SSC5D: variants seen among roughly 807,000 people sequenced by gnomAD.
SSC5D encodes scavenger receptor cysteine rich family member with 5 domains.
Under a neutral mutation model 104.6 loss-of-function variants are expected in SSC5D, and 106 were observed. The observed-to-expected ratio is 1.01, with a 90% CI of 0.87 to 1.19. SSC5D has a LOEUF of 1.19. Ranked by LOEUF, SSC5D falls within the 50% of genes most tolerant of loss-of-function variation. SSC5D has a pLI of 0.00. For missense variants in SSC5D, 1,993 were observed against 2,153.8 expected, an observed-to-expected ratio of 0.93 and a Z score of 1.48; for synonymous variants, 860 against 883.5, an observed-to-expected ratio of 0.97 and a Z score of 0.47.
rs1987104107 is a variant in SSC5D at position 55,490,360 on chromosome 19, G to A, written c.538G>A (p.Ala180Thr). Reference protein sequence around the residue: ...SRKKSPRPKQAKSTRAPLLTT... With the variant: ...SRKKSPRPKQTKSTRAPLLTT... ...GAAGAAGAGCCCCCGGCCCAAGCAGGCCAAGTCCACCCGGGCCCCTCTGCT... is the reference window on the plus strand; with the variant it reads ...GAAGAAGAGCCCCCGGCCCAAGCAGACCAAGTCCACCCGGGCCCCTCTGCT... Residue 180 changes from alanine (A) to threonine (T), a missense_variant, in exon 5 of 14, where the codon GCC becomes ACC. Transcript: ENST00000389623. The A allele has an allele frequency of 2.0e-6, 3 of 1,524,596 alleles. No individual in the cohort carries two copies. Among genetic ancestry groups the A allele is most frequent in the Non-Finnish European group, 2.7e-6 (3 of 1,128,678 alleles). 94.4% of individuals were successfully genotyped at this position (1,524,596 alleles called of 1,614,324 possible).
intron 6 of SSC5D, 130 bp from the exon 7 acceptor site, chr19:55,493,465 C>A (rs1987209660): frequency 1.2e-6 from 1 of 836,654 alleles, no homozygotes; most frequent in Non-Finnish European, 1.7e-6. Flanking sequence ...ACCTTTTCCT[C>A]ATTTGGATAG....
chr19:55,505,719 G>A (rs1987623346), intron 12 of SSC5D, among the ~76,000 whole-genome samples: 2 of 151,624 alleles, frequency 1.3e-5, no homozygotes, highest in South Asian at 4.1e-4. Context: ...TCTCACTGTG[G>A]CTTGAAAGGT....
At chr19:55,507,154 G>A (rs910985754) in intron 12 of SSC5D, among the ~76,000 whole-genome samples, 1 of 151,546 alleles carries the variant, frequency 6.6e-6, no homozygotes, top group East Asian at 2.0e-4. Flanking sequence ...GGGTGACAGA[G>A]ACTGTCTCGA....
chr19:55,505,957 G>C (rs1200564696), intron 12 of SSC5D, among the ~76,000 whole-genome samples: 7 of 151,728 alleles, frequency 4.6e-5, no homozygotes, highest in Admixed American at 1.3e-4. Context: ...GGCTGGTCTT[G>C]AACTCCTGAC....
intron 6 of SSC5D, chr19:55,492,689 G>A (rs1987185188): frequency 6.6e-6 from 1 of 152,136 alleles, no homozygotes; most frequent in African/African-American, 2.4e-5. Flanking sequence ...CAGAGAGAGG[G>A]ACTCCAGAGT....
At position 55,517,750 on chromosome 19, in the gene SSC5D, C is replaced by T. The variant is rs1164724881; in HGVS notation, c.3474C>T (p.Thr1158=). The change falls in exon 14 of 14, where the codon ACC becomes ACT. Residue 1158 remains threonine (T), a synonymous_variant. Coordinates refer to ENST00000389623, the MANE Select transcript of SSC5D (RefSeq NM_001144950.2). ...ACCCCACTACTACCCCTGATCCCAC[C>T]ATGGCCCCTGACCCCATCACAACCC... ...SPHPTTTPDP[T]MAPDPITTLN... The T allele has an allele frequency of 5.2e-6, 8 of 1,549,472 alleles. No individual in the cohort carries two copies. The highest frequency in any genetic ancestry group is 7.0e-6 in the Non-Finnish European group (8 of 1,146,148).
rs956010272 is a variant in SSC5D at position 55,493,579 on chromosome 19, C to G, written c.896-16C>G. 1.1e-5 allele frequency: 16 copies of G among 1,423,668 alleles called. No individual in the cohort carries two copies. In the African/African-American group the frequency reaches 2.1e-4, roughly 19 times the overall value. 88.2% of individuals were successfully genotyped at this position (1,423,668 alleles called of 1,614,324 possible). ...CCCTCGTTTCCTGGCCCTGTGCTCC[C>G]TCTCCCACTATCCAGGCCCAGCACC... On this transcript the variant is annotated splice_polypyrimidine_tract_variant and intron_variant, in intron 6 of 13. Transcript: ENST00000389623.
rs1200884364 is a variant in SSC5D at position 55,499,869 on chromosome 19, G to A, written c.1759G>A (p.Gly587Arg). 1 of 1,551,470 alleles carries A rather than the reference G, an allele frequency of 6.4e-7. No homozygotes were observed. The part of the protein sequence containing the change: ...SDPFSWSWIP[G>R]LGRDRDAWLP... ...CCCCTTCAGCTGGAGCTGGATTCCTGGACTGGGGAGAGATCGGGATGCCTG... is the reference window on the plus strand; with the variant it reads ...CCCCTTCAGCTGGAGCTGGATTCCTAGACTGGGGAGAGATCGGGATGCCTG... The change falls in exon 10 of 14, where the codon GGA becomes AGA. Residue 587 changes from glycine (G) to arginine (R), a missense_variant. Transcript: ENST00000389623.
In SSC5D at chr19:55,489,062, G is replaced by GC. The variant is rs57080356; in HGVS notation, c.52+41dup. ...GTGCCCAGACTCCTCCCATCTGCCCGCCCCCCCCCCCAGGCCTCCCCCTTC... is the reference window on the plus strand; with the variant it reads ...GTGCCCAGACTCCTCCCATCTGCCCGCCCCCCCCCCCCAGGCCTCCCCCTTC... On this transcript the variant is annotated intron_variant, in intron 2 of 13. Transcript: ENST00000389623. The GC allele has an allele frequency of 9.8e-3, 8,872 of 909,484 alleles. 48 individuals carry two copies. In the East Asian group the frequency reaches 0.12, roughly 12 times the overall value. The allele number at this position is 909,484 out of a possible 1,614,324, so 56.3% of individuals were successfully genotyped here.
At chr19:55,508,570 C>G (rs1987688482) in intron 12 of SSC5D, among the ~76,000 whole-genome samples, 1 of 152,224 alleles carries the variant, frequency 6.6e-6, no homozygotes, top group Admixed American at 6.5e-5. Flanking sequence ...CCAGATTCCA[C>G]ACCCTTGCTG....
Position 55,489,673 on chromosome 19 carries a change from C to A in SSC5D, c.361+11C>A. On this transcript the variant is annotated intron_variant, in intron 3 of 13. Coordinates refer to ENST00000389623, the MANE Select transcript of SSC5D (RefSeq NM_001144950.2). ...GCGTCGTCTGCGCAGGTGAGGACAC[C>A]CTGGCTGCTCCTTCAGGGGGAGCTC... 1 of 1,528,220 alleles carries A rather than the reference C, an allele frequency of 6.5e-7. No homozygotes were observed. The highest frequency in any genetic ancestry group is 8.8e-7 in the Non-Finnish European group (1 of 1,141,724). 94.7% of individuals were successfully genotyped at this position (1,528,220 alleles called of 1,614,324 possible).
intron 12 of SSC5D, among the ~76,000 whole-genome samples, chr19:55,508,200 C>G (rs1987680330): frequency 6.6e-6 from 1 of 152,058 alleles, no homozygotes; most frequent in African/African-American, 2.4e-5. Context: ...TGTGACTGCA[C>G]AGATAGACAG....
rs558923564 is a variant in SSC5D, at chr19:55,489,485, G to A, written c.184G>A (p.Gly62Ser). ...TGCCGCCGTGGCCTGCCGGCAGCTG[G>A]GCTGCGGAGGGGCACTGGCCGCCCC... ...RDAAVACRQLGCGGALAAPGG... is the reference protein window; with the variant it reads ...RDAAVACRQLSCGGALAAPGG... The change falls in exon 3 of 14, where the codon GGC becomes AGC. Residue 62 changes from glycine (G) to serine (S), a missense_variant. Gly to Ser is a moderately conservative substitution (Grantham distance 56, BLOSUM62 0). This residue lies in a region of SSC5D where 1,101 missense variants were observed against 1,085.0 expected (regional missense o/e 1.01). Transcript: ENST00000389623. 9.5e-5 allele frequency: 140 copies of A among 1,472,768 alleles called. No homozygotes were observed. The highest frequency in any genetic ancestry group is 3.8e-4 in the Middle Eastern group (2 of 5,270). The allele number at this position is 1,472,768 out of a possible 1,614,324, so 91.2% of individuals were successfully genotyped here.
chr19:55,496,750 CTT>C (rs34304244), intron 8 of SSC5D, among the ~76,000 whole-genome samples: 235 of 139,734 alleles, frequency 1.7e-3, no homozygotes, highest in Non-Finnish European at 1.6e-3. Flanking sequence ...TTTTACCAGT[CTT>C]TTTTTTTTTT....
rs774032659 is a variant in SSC5D at position 55,500,436 on chromosome 19, G to GTCTCCCTCA, written c.2302+24_2302+25insTCTCCCTCA. ...AGGTGAGTGGCCGTGAGGGGTGTGGGGAGAGAATGGGAGAGGCTGACCCTC... is the reference window on the plus strand; with the variant it reads ...AGGTGAGTGGCCGTGAGGGGTGTGGGTCTCCCTCAGAGAGAATGGGAGAGGCTGACCCTC... On this transcript the variant is annotated intron_variant, in intron 10 of 13. Coordinates refer to ENST00000389623, the MANE Select transcript of SSC5D (RefSeq NM_001144950.2). This position sits in a 1 kb window ranked among gnomAD's most constrained non-coding sequence, Gnocchi z 4.6. 1 of 1,548,072 alleles carries GTCTCCCTCA rather than the reference G, an allele frequency of 6.5e-7. No homozygotes were observed.
At chr19:55,505,207 C>T (rs934264076) in intron 12 of SSC5D, among the ~76,000 whole-genome samples, 1 of 151,646 alleles carries the variant, frequency 6.6e-6, no homozygotes, top group Non-Finnish European at 1.5e-5. Context: ...TTGCTGAAAA[C>T]GAACAACAGC....
In SSC5D at chr19:55,518,479, C is replaced by T; in HGVS notation, c.4203C>T (p.Ser1401=). The T allele has an allele frequency of 6.4e-7, 1 of 1,551,384 alleles. No individual in the cohort carries two copies. Among genetic ancestry groups the T allele is most frequent in the Non-Finnish European group, 8.7e-7 (1 of 1,146,946 alleles). ...SSPSRSSTAT[S]MDPLSTEDFK... is the part of the protein sequence containing the mutation. ...CCTCCAGGTCCTCCACAGCCACAAGCATGGACCCACTGTCCACTGAGGACT... is the reference window on the plus strand; with the variant it reads ...CCTCCAGGTCCTCCACAGCCACAAGTATGGACCCACTGTCCACTGAGGACT... Residue 1401 remains serine, a synonymous_variant, in exon 14 of 14, where the codon AGC becomes AGT. Coordinates refer to ENST00000389623, the MANE Select transcript of SSC5D (RefSeq NM_001144950.2).
chr19:55,493,981 C>CGG lies in SSC5D; in HGVS notation c.1213+73_1213+74dup, dbSNP rs1406364930. 1.2e-3 allele frequency: 54 copies of CGG among 44,734 alleles called. 2 individuals are homozygous for CGG. Among genetic ancestry groups the CGG allele is most frequent in the African/African-American group, 0.011 (39 of 3,500 alleles). The allele number at this position is 44,734 out of a possible 1,614,324, so 2.8% of individuals were successfully genotyped here. A position where few individuals can be genotyped will look rare whatever the true frequency, so the allele number is the denominator to read the frequency against. On this transcript the variant is annotated intron_variant, in intron 7 of 13. Transcript: ENST00000389623. ...GCTTGGAGCGGAGGGGCAAGTTCGG[C>CGG]GGGGGCGGGGGGGTCCCTACGCGCC...
intron 5 of SSC5D, 126 bp from the exon 6 acceptor site, chr19:55,490,646 G>C (rs560793402): frequency 5.2e-6 from 6 of 1,162,920 alleles, no homozygotes; most frequent in Non-Finnish European, 7.0e-6. Context: ...ACCTCTTCAC[G>C]GGCTGCCGGC....
Sources: allele counts gnomAD v4.1 joint callset (sites outside exome capture counted in the v4.1 genomes callset), GRCh38; gene constraint gnomAD v4.1.1; regional missense constraint gnomAD v4.1.1; non-coding constraint Gnocchi (gnomAD v3.1); transcripts MANE v1.5; gene names NCBI Gene and HGNC (gene_info 2026-07-23, HGNC 2026-07-21).